CHD9NB: variants seen among roughly 807,000 people sequenced by gnomAD.
CHD9NB encodes the protein CHD9 neighbor protein.
chr16:53,051,766 TAA>T, the CHD9NB span, among the ~76,000 whole-genome samples: 980 of 67,190 alleles, frequency 0.015, 55 homozygotes, highest in African/African-American at 0.048. Context: ...CTTAAAAGTA[TAA>T]ATATATATAT....
At chr16:53,036,452 GT>G in the CHD9NB span, among the ~76,000 whole-genome samples, 2 of 152,184 alleles carry the variant, frequency 1.3e-5, no homozygotes, top group African/African-American at 2.4e-5. Flanking sequence ...TTTTTCCAGA[GT>G]TTTGTCCTTG....
chr16:53,042,868 A>C, the CHD9NB span: 1 of 152,288 alleles, frequency 6.6e-6, no homozygotes, highest in Non-Finnish European at 1.5e-5. Flanking sequence ...TGGCTGCCCA[A>C]ACTCAGGCAA....
At chr16:53,051,138 C>T in the CHD9NB span, among the ~76,000 whole-genome samples, 7 of 152,054 alleles carry the variant, frequency 4.6e-5, no homozygotes, top group Non-Finnish European at 8.8e-5. Flanking sequence ...CCGCCTGCCT[C>T]GGCCTCCCAA....
chr16:53,037,693 T>G, the CHD9NB span, among the ~76,000 whole-genome samples: 4 of 152,182 alleles, frequency 2.6e-5, no homozygotes, highest in Non-Finnish European at 5.9e-5. Flanking sequence ...TTTCTACACC[T>G]TTTGCAGGTC....
the CHD9NB span, among the ~76,000 whole-genome samples, chr16:53,044,598 AC>A: frequency 6.6e-6 from 1 of 152,158 alleles, no homozygotes; most frequent in African/African-American, 2.4e-5. Flanking sequence ...CTTAGAGACC[AC>A]CCTTTAACCT....
At chr16:53,036,939 C>A in the CHD9NB span, among the ~76,000 whole-genome samples, 2 of 151,900 alleles carry the variant, frequency 1.3e-5, no homozygotes, top group African/African-American at 2.4e-5. Context: ...TTGGCTTCAT[C>A]AAATTTTTTT....
chr16:53,043,648 C>T, the CHD9NB span: 6 of 172,970 alleles, frequency 3.5e-5, no homozygotes, highest in Non-Finnish European at 4.9e-5. Flanking sequence ...GCCAGGCAGA[C>T]GGGGATCCCT....
chr16:53,050,330 G>T, the CHD9NB span, among the ~76,000 whole-genome samples: 1 of 152,058 alleles, frequency 6.6e-6, no homozygotes, highest in Non-Finnish European at 1.5e-5. Flanking sequence ...AACATGGTGA[G>T]ATTCTGTCTC....
the CHD9NB span, among the ~76,000 whole-genome samples, chr16:53,051,812 A>ATATATATATAG: frequency 1.1e-5 from 1 of 93,298 alleles, no homozygotes; most frequent in African/African-American, 5.2e-5. Context: ...TATATATATA[A>ATATATATATAG]TGAGTACCTT....
the CHD9NB span, among the ~76,000 whole-genome samples, chr16:53,038,571 G>T: frequency 6.6e-6 from 1 of 152,066 alleles, no homozygotes. Flanking sequence ...GGCTGGTCTC[G>T]AACTCCAGAC....
chr16:53,052,658 G>C, the CHD9NB span: 2 of 152,512 alleles, frequency 1.3e-5, no homozygotes, highest in Non-Finnish European at 2.9e-5. Context: ...GGGGCACAGT[G>C]GTGGGGAGGG....
the CHD9NB span, among the ~76,000 whole-genome samples, chr16:53,050,405 G>A: frequency 1.3e-5 from 2 of 152,136 alleles, no homozygotes; most frequent in Admixed American, 1.3e-4. Flanking sequence ...CTACTTGGGA[G>A]GCTGAGGTGG....
chr16:53,035,807 A>T, the CHD9NB span: 1 of 152,130 alleles, frequency 6.6e-6, no homozygotes, highest in Non-Finnish European at 1.5e-5. Flanking sequence ...CCAAAAAAAT[A>T]ATTAAAAATT....
the CHD9NB span, among the ~76,000 whole-genome samples, chr16:53,042,056 C>A: frequency 6.6e-6 from 1 of 152,082 alleles, no homozygotes; most frequent in African/African-American, 2.4e-5. Flanking sequence ...CTTATTTTTT[C>A]CTCACCGCAG....
the CHD9NB span, among the ~76,000 whole-genome samples, chr16:53,044,642 G>A: frequency 6.6e-6 from 1 of 152,180 alleles, no homozygotes; most frequent in East Asian, 1.9e-4. Context: ...TTGAGGAATA[G>A]GGAGTCTTAG....
the CHD9NB span, among the ~76,000 whole-genome samples, chr16:53,041,695 T>C: frequency 1.3e-5 from 2 of 151,990 alleles, no homozygotes; most frequent in African/African-American, 4.8e-5. Flanking sequence ...AGTGTGGACA[T>C]TGCAAGCAGC....
At chr16:53,045,739 A>C in the CHD9NB span, among the ~76,000 whole-genome samples, 4 of 152,174 alleles carry the variant, frequency 2.6e-5, no homozygotes, top group Non-Finnish European at 5.9e-5. Flanking sequence ...ACTCCTCCCA[A>C]TCACACAGTC....
the CHD9NB span, among the ~76,000 whole-genome samples, chr16:53,038,221 C>G: frequency 6.6e-6 from 1 of 152,246 alleles, no homozygotes; most frequent in African/African-American, 2.4e-5. Flanking sequence ...AGTGGGTCTT[C>G]TTGACACAGT....
the CHD9NB span, chr16:53,047,232 G>A: frequency 1.3e-5 from 2 of 152,324 alleles, no homozygotes; most frequent in East Asian, 1.9e-4. Flanking sequence ...AGGTTGTGGA[G>A]CAACTGGAAC....
Sources: gnomAD v4.1 joint callset for allele counts (sites outside exome capture counted in the v4.1 genomes callset) on GRCh38, gnomAD v4.1.1 for gene constraint, MANE v1.5 for transcripts, NCBI Gene and HGNC (gene_info 2026-07-23, HGNC 2026-07-21) for gene names.